The following SIPA1L1 variants were observed in gnomAD, a reference collection of about 807,000 sequenced individuals.
The protein encoded by SIPA1L1 is signal-induced proliferation-associated 1-like protein 1.
SIPA1L1 carries 26 observed loss-of-function variants against 162.7 expected under a neutral mutation model. The observed-to-expected ratio is 0.16, with a 90% CI of 0.12 to 0.22. The LOEUF is 0.22. Ranked by LOEUF, SIPA1L1 falls within the 10% of genes least tolerant of loss-of-function variation. SIPA1L1 has a pLI of 1.00. For missense variants in SIPA1L1, 1,874 were observed against 2,241.0 expected (o/e 0.84, Z 3.31); for synonymous variants, 829 against 837.4 (o/e 0.99, Z 0.17).
intron 2 of SIPA1L1, among the ~76,000 whole-genome samples, chr14:71,402,762 A>G (rs1163535299): frequency 5.9e-5 from 9 of 152,214 alleles, no homozygotes; most frequent in Non-Finnish European, 1.3e-4. Flanking sequence ...TGTGCCTGGC[A>G]TATTGGAGAC....
chr14:71,684,594 T>C (rs762036876), intron 12 of SIPA1L1, among the ~76,000 whole-genome samples: 7 of 152,108 alleles, frequency 4.6e-5, no homozygotes, highest in African/African-American at 7.2e-5. Context: ...GTGGCGGGAA[T>C]GTGAAGCTGC....
rs2029884398 is a variant in SIPA1L1, at chr14:71,564,486, C to CTTCCTTTTTT, written c.-302-23083_-302-23082insCCTTTTTTTT. Among the ~76,000 whole-genome samples, 3 of 23,122 alleles carry CTTCCTTTTTT rather than the reference C, an allele frequency of 1.3e-4. No individual in the cohort carries two copies. In the East Asian group the frequency reaches 7.3e-3, roughly 56 times the overall value. 15.2% of individuals were successfully genotyped at this position (23,122 alleles called of 152,430 possible). ...CCTGACTTCTTATCCTCGGCATTTT[C>CTTCCTTTTTT]TTTCTTTTTTTTTTTCCGAGACAGA... On this transcript the variant is annotated intron_variant, in intron 4 of 23. Coordinates refer to ENST00000381232, the MANE Select transcript of SIPA1L1 (RefSeq NM_001386936.1).
At chr14:71,678,894 TA>T (rs764071926) in intron 12 of SIPA1L1, among the ~76,000 whole-genome samples, 2 of 149,418 alleles carry the variant, frequency 1.3e-5, no homozygotes, top group African/African-American at 4.9e-5. Context: ...GAAAAAAGAG[TA>T]AAAAAAAATG....
chr14:71,367,603 C>T (rs781358505), intron 2 of SIPA1L1, among the ~76,000 whole-genome samples: 10 of 144,954 alleles, frequency 6.9e-5, no homozygotes, highest in African/African-American at 1.0e-4. Context: ...CCACCGTGCC[C>T]GGCCTTTTTT....
At chr14:71,576,125 C>T (rs2032987815) in intron 4 of SIPA1L1, among the ~76,000 whole-genome samples, 2 of 152,172 alleles carry the variant, frequency 1.3e-5, no homozygotes, top group Admixed American at 1.3e-4. Context: ...CAGATCTTTT[C>T]CTCAAGAGCC....
At chr14:71,416,606 A>G (rs1262413637) in intron 2 of SIPA1L1, among the ~76,000 whole-genome samples, 1 of 151,932 alleles carries the variant, frequency 6.6e-6, no homozygotes, top group African/African-American at 2.4e-5. Flanking sequence ...AGTTCTCCCA[A>G]CCTGTTGGTG....
rs761694801 is a variant in SIPA1L1, at chr14:71,658,330, T to C, written c.1994-3T>C. On this transcript the variant is annotated splice_region_variant and splice_polypyrimidine_tract_variant and intron_variant, in intron 8 of 23. Coordinates refer to ENST00000381232, the MANE Select transcript of SIPA1L1 (RefSeq NM_001386936.1). ...CTCATCATTATATTTTTTTTAACTG[T>C]AGCTGACTCCACTGGAACCCATTCT... The C allele has an allele frequency of 1.3e-6, 2 of 1,501,940 alleles. No homozygotes were observed. The highest frequency in any genetic ancestry group is 1.9e-6 in the Non-Finnish European group (2 of 1,078,364). The allele number at this position is 1,501,940 out of a possible 1,614,324, so 93.0% of individuals were successfully genotyped here. A position where few individuals can be genotyped will look rare whatever the true frequency, so the allele number is the denominator to read the frequency against.
chr14:71,588,713 C>T lies in SIPA1L1; in HGVS notation c.841C>T (p.Pro281Ser), dbSNP rs2034900644. 6.2e-7 allele frequency: 1 copy of T among 1,613,884 alleles called. No individual in the cohort carries two copies. The highest frequency in any genetic ancestry group is 8.5e-7 in the Non-Finnish European group (1 of 1,179,980). Residue 281 changes from proline to serine, a missense_variant, in exon 5 of 24, where the codon CCA (proline) becomes TCA (serine). Pro to Ser is a moderately conservative substitution (Grantham distance 74). This residue lies in a region of SIPA1L1 where 685 missense variants were observed against 828.0 expected (regional missense o/e 0.83). Coordinates refer to ENST00000381232, the MANE Select transcript of SIPA1L1 (RefSeq NM_001386936.1). The surrounding 1 kb of genome is among the most constrained non-coding windows in gnomAD (Gnocchi z 4.3). ...NLRLFKEREK[P>S]LKRRSKSETG... is the part of the protein sequence containing the mutation. ...CAGGCTTTTTAAGGAAAGGGAAAAA[C>T]CACTCAAGCGACGTTCAAAATCTGA...
At chr14:71,515,263 G>T (rs192106125) in intron 3 of SIPA1L1, among the ~76,000 whole-genome samples, 6 of 152,230 alleles carry the variant, frequency 3.9e-5, no homozygotes, top group Non-Finnish European at 8.8e-5. Context: ...GAGAATTCGT[G>T]TAGCAAAATT....
chr14:71,370,721 G>T (rs1244177333), intron 2 of SIPA1L1, among the ~76,000 whole-genome samples: 1 of 152,124 alleles, frequency 6.6e-6, no homozygotes, highest in Non-Finnish European at 1.5e-5. Context: ...GCCAACTTGC[G>T]TGCCCAAGGT....
At position 71,639,387 on chromosome 14, in the gene SIPA1L1, G is replaced by T. The variant is rs2041477058; in HGVS notation, c.1819-10948G>T. Among the ~76,000 whole-genome samples the T allele has an allele frequency of 5.3e-5, 8 of 152,098 alleles. 1 individual carries two copies. The South Asian group carries it at 1.4e-3, about 28-fold the overall frequency. Reference sequence around the variant, plus strand: ...ATCATCCTGCTACACTCTAGCCTGGGTGACAGATTAAGTCCTGTCTCTAAG... The same window carrying T: ...ATCATCCTGCTACACTCTAGCCTGGTTGACAGATTAAGTCCTGTCTCTAAG... On this transcript the variant is annotated intron_variant, in intron 7 of 23. Transcript: ENST00000381232.
rs766939669 is a variant in SIPA1L1, at chr14:71,685,437, T to G, written c.3180T>G (p.Phe1060Leu). The change falls in exon 13 of 24, where the codon TTT becomes TTG. Residue 1060 changes from phenylalanine (F) to leucine (L), a missense_variant. By Grantham distance (22) the Phe-to-Leu change is conservative (BLOSUM62 0). Coordinates refer to ENST00000381232, the MANE Select transcript of SIPA1L1 (RefSeq NM_001386936.1). Reference protein sequence around the residue: ...MNEGVSYEFKFPFRNNNKWQR... With the variant: ...MNEGVSYEFKLPFRNNNKWQR... ...AAGGTGTTTCATACGAATTCAAGTT[T>G]CCCTTCCGAAATAATAACAAGTGGC... 5.0e-6 allele frequency: 8 copies of G among 1,614,044 alleles called. No homozygotes were observed. The East Asian group carries it at 1.8e-4, about 36-fold the overall frequency.
intron 7 of SIPA1L1, among the ~76,000 whole-genome samples, chr14:71,645,692 T>C (rs1040567605): frequency 1.3e-5 from 2 of 152,240 alleles, no homozygotes; most frequent in African/African-American, 4.8e-5. Flanking sequence ...TGGTATAGTT[T>C]GGAGCCACTG....
chr14:71,730,190 C>T lies in SIPA1L1; in HGVS notation c.4750C>T (p.Leu1584=). Residue 1584 remains leucine (L), a synonymous_variant, in exon 20 of 24, where the codon CTG becomes TTG. Coordinates refer to ENST00000381232, the MANE Select transcript of SIPA1L1 (RefSeq NM_001386936.1). ...CTTTTTCACCTCCAGGGCGTCACTT[C>T]TGGACCAAGCCCTGCCCAACGACGT... The part of the protein sequence containing the change: ...EHFFTSRASL[L]DQALPNDVLF... 1 of 1,614,192 alleles carries T rather than the reference C, an allele frequency of 6.2e-7. No individual in the cohort carries two copies. The highest frequency in any genetic ancestry group is 8.5e-7 in the Non-Finnish European group (1 of 1,180,028).
At chr14:71,709,766 G>T (rs2082729039) in intron 17 of SIPA1L1, 102 bp downstream of exon 17, 1 of 930,194 alleles carries the variant, frequency 1.1e-6, no homozygotes, top group South Asian at 1.8e-5. Context: ...AGGAAAGGAG[G>T]TTTTTCTGCA....
chr14:71,373,632 G>A (rs1189249251), intron 2 of SIPA1L1, among the ~76,000 whole-genome samples: 1 of 149,660 alleles, frequency 6.7e-6, no homozygotes, highest in African/African-American at 2.5e-5. Flanking sequence ...ACTCCACCTT[G>A]GGTGACAGAG....
intron 7 of SIPA1L1, among the ~76,000 whole-genome samples, chr14:71,640,813 C>T (rs565797431): frequency 2.6e-5 from 4 of 152,022 alleles, no homozygotes; most frequent in Non-Finnish European, 4.4e-5. Flanking sequence ...TTAGTAGAAA[C>T]GGGGTTTCAC....
At chr14:71,604,002 T>A (rs898027421) in intron 5 of SIPA1L1, among the ~76,000 whole-genome samples, 7 of 135,330 alleles carry the variant, frequency 5.2e-5, no homozygotes, top group Admixed American at 7.3e-5. Context: ...TATATATAAA[T>A]TTTTTTTTTT....
In SIPA1L1 at chr14:71,709,607, C is replaced by A. The variant is rs756494566; in HGVS notation, c.4151C>A (p.Thr1384Asn). 5.0e-6 allele frequency: 8 copies of A among 1,614,184 alleles called. No individual in the cohort carries two copies. The highest frequency in any genetic ancestry group is 2.7e-5 in the African/African-American group (2 of 75,048). ...DIHSKSQAGS[T>N]PLTRENSTFS... The stretch of plus-strand genomic sequence containing the variant: ...CACAGCAAGAGCCAAGCCGGCTCGA[C>A]CCCTCTGACAAGGGAGAACAGCACC... The change falls in exon 17 of 24, where the codon ACC becomes AAC. Residue 1384 changes from threonine to asparagine, a missense_variant. By Grantham distance (65) the Thr-to-Asn change is moderately conservative (BLOSUM62 0). Coordinates refer to ENST00000381232, the MANE Select transcript of SIPA1L1 (RefSeq NM_001386936.1).
Sources: gnomAD v4.1 joint callset for allele counts (sites outside exome capture counted in the v4.1 genomes callset) on GRCh38, gnomAD v4.1.1 for gene constraint, gnomAD v4.1.1 regional missense constraint, Gnocchi (gnomAD v3.1) non-coding constraint, MANE v1.5 for transcripts, NCBI Gene and HGNC (gene_info 2026-07-23, HGNC 2026-07-21) for gene names.